SIL1: variants seen among roughly 807,000 people sequenced by gnomAD.
SIL1 encodes the protein nucleotide exchange factor SIL1.
SIL1 carries 40 observed loss-of-function variants against 49.1 expected under a neutral mutation model. The ratio of observed to expected loss-of-function variants is 0.81; its 90% CI spans 0.63 to 1.06. The LOEUF is 1.06. SIL1 is among the 50% of genes least tolerant of loss of function. SIL1 has a pLI of 0.00. For missense variants in SIL1, 500 were observed against 572.6 expected, an observed-to-expected ratio of 0.87 and a Z score of 1.29; for synonymous variants, 253 against 250.8, an observed-to-expected ratio of 1.01 and a Z score of -0.08.
chr5:139,143,058 G>A (rs1028949908), intron 1 of SIL1, among the ~76,000 whole-genome samples: 3 of 151,356 alleles, frequency 2.0e-5, no homozygotes, highest in Admixed American at 1.3e-4. Context: ...GTGAGCCACC[G>A]CGCCCGGCCA....
intron 1 of SIL1, among the ~76,000 whole-genome samples, chr5:139,184,346 C>A (rs1387580457): frequency 6.6e-6 from 1 of 152,172 alleles, no homozygotes; most frequent in Admixed American, 6.5e-5. Flanking sequence ...CATTTAGACT[C>A]TCCGAGCCTC....
chr5:139,147,273 T>C (rs1751212079), intron 1 of SIL1, among the ~76,000 whole-genome samples: 1 of 152,110 alleles, frequency 6.6e-6, no homozygotes, highest in South Asian at 2.1e-4. Flanking sequence ...ACAACTCAGT[T>C]TGTCTGCAGA....
intron 7 of SIL1, among the ~76,000 whole-genome samples, chr5:138,970,847 G>T: frequency 6.6e-6 from 1 of 152,112 alleles, no homozygotes; most frequent in South Asian, 2.1e-4. Flanking sequence ...GGTTGCAGTG[G>T]GCCAAAATTG....
intron 3 of SIL1, among the ~76,000 whole-genome samples, chr5:139,083,389 A>G (rs542097968): frequency 3.3e-5 from 5 of 150,210 alleles, no homozygotes; most frequent in African/African-American, 7.4e-5. Context: ...GTGTGAGATG[A>G]TATCTCATAG....
chr5:139,178,705 C>G (rs1190172131), intron 1 of SIL1, among the ~76,000 whole-genome samples: 5 of 152,038 alleles, frequency 3.3e-5, no homozygotes, highest in Admixed American at 3.3e-4. Context: ...GCCCTAGGAC[C>G]AAGTCAAATC....
rs550508251 is a variant in SIL1, at chr5:139,084,205, C to A, written c.245-33159G>T. Among the ~76,000 whole-genome samples, 12 of 151,774 alleles carry A rather than the reference C, an allele frequency of 7.9e-5. No individual in the cohort carries two copies. In the East Asian group the frequency reaches 2.3e-3, roughly 29 times the overall value. ...TTGGTGGGACTGTAAACTAGTTCAA[C>A]CATTGTGGAAGTCAGTGTGGCGATT... On this transcript the variant is annotated intron_variant, in intron 3 of 9. Transcript: ENST00000394817.
chr5:138,962,429 G>A (rs1767041950), intron 7 of SIL1, among the ~76,000 whole-genome samples: 1 of 152,018 alleles, frequency 6.6e-6, no homozygotes, highest in South Asian at 2.1e-4. Context: ...GTGTGACTGA[G>A]GTAAGTTACT....
At chr5:138,984,268 G>A (rs890906569) in intron 7 of SIL1, among the ~76,000 whole-genome samples, 2 of 151,608 alleles carry the variant, frequency 1.3e-5, no homozygotes, top group African/African-American at 2.4e-5. Flanking sequence ...GAACCTGGAT[G>A]CCAAGGATTA....
chr5:139,101,373 A>G (rs1770583926), intron 3 of SIL1, among the ~76,000 whole-genome samples: 1 of 152,168 alleles, frequency 6.6e-6, no homozygotes, highest in African/African-American at 2.4e-5. Flanking sequence ...TCTGAAATTT[A>G]CCTAATTACT....
chr5:139,019,920 C>A (rs1768481380), intron 7 of SIL1, among the ~76,000 whole-genome samples: 1 of 139,004 alleles, frequency 7.2e-6, no homozygotes, highest in South Asian at 2.4e-4. Context: ...AGTTCTCAAG[C>A]CTCTAAAGCC....
rs528137516 is a variant in SIL1, at chr5:139,079,966, C to T, written c.245-28920G>A. On this transcript the variant is annotated intron_variant, in intron 3 of 9. Coordinates refer to ENST00000394817, the MANE Select transcript of SIL1 (RefSeq NM_022464.5). The stretch of plus-strand genomic sequence containing the variant: ...ATTCCTACTTTCTCTCATGTAGCCA[C>T]AGCTATCATCTCTCAGCAAGTCTCC... Among the ~76,000 whole-genome samples, 10 of 152,300 alleles carry T rather than the reference C, an allele frequency of 6.6e-5. No individual in the cohort carries two copies. In the South Asian group the frequency reaches 2.1e-3, roughly 32 times the overall value.
At chr5:139,100,004 A>G (rs1770552463) in intron 3 of SIL1, among the ~76,000 whole-genome samples, 1 of 152,230 alleles carries the variant, frequency 6.6e-6, no homozygotes, top group Non-Finnish European at 1.5e-5. Context: ...TGTGATTATT[A>G]CCCATTGCAT....
At chr5:139,169,956 C>A (rs1199411489) in intron 1 of SIL1, among the ~76,000 whole-genome samples, 1 of 151,968 alleles carries the variant, frequency 6.6e-6, no homozygotes, top group Non-Finnish European at 1.5e-5. Flanking sequence ...CGGCTCACTG[C>A]AGCCTCCCTG....
chr5:139,168,979 A>T (rs887430737), intron 1 of SIL1, among the ~76,000 whole-genome samples: 40 of 151,912 alleles, frequency 2.6e-4, no homozygotes, highest in African/African-American at 9.7e-4. Flanking sequence ...AAAAAACTGA[A>T]TTTTTAAAGG....
At chr5:139,184,106 A>G (rs988735539) in intron 1 of SIL1, among the ~76,000 whole-genome samples, 1 of 152,220 alleles carries the variant, frequency 6.6e-6, no homozygotes, top group African/African-American at 2.4e-5. Flanking sequence ...CAGAGAGGAC[A>G]GGCCTGTGTA....
intron 5 of SIL1, among the ~76,000 whole-genome samples, chr5:139,029,023 C>T (rs1768726487): frequency 6.6e-6 from 1 of 152,188 alleles, no homozygotes; most frequent in Non-Finnish European, 1.5e-5. Context: ...TGCCTGTAAT[C>T]CTAGAAGTTT....
intron 3 of SIL1, among the ~76,000 whole-genome samples, chr5:139,080,795 T>A (rs1204397658): frequency 1.3e-5 from 2 of 152,210 alleles, no homozygotes; most frequent in Non-Finnish European, 2.9e-5. Flanking sequence ...AATTATGTGA[T>A]TCATCATATT....
rs535338017 is a variant in SIL1 at position 139,083,047 on chromosome 5, A to T, written c.245-32001T>A. On this transcript the variant is annotated intron_variant, in intron 3 of 9. Transcript: ENST00000394817. ...CTGCAGGGGCTCAAGGATTCAAATG[A>T]TACCAACTGCTCCTGATTTAGGAGC... Among the ~76,000 whole-genome samples, 144 of 152,310 alleles carry T rather than the reference A, an allele frequency of 9.5e-4. 2 individuals carry two copies. Among genetic ancestry groups the T allele is most frequent in the Middle Eastern group, 3.4e-3 (1 of 294 alleles).
intron 5 of SIL1, 89 bp downstream of exon 5, chr5:139,042,531 C>T (rs939136668): frequency 1.9e-6 from 2 of 1,075,126 alleles, no homozygotes; most frequent in African/African-American, 3.1e-5. Context: ...ATGTTTATTG[C>T]AAGAGTTCCC....
Sources: allele counts gnomAD v4.1 joint callset (sites outside exome capture counted in the v4.1 genomes callset), GRCh38; gene constraint gnomAD v4.1.1; transcripts MANE v1.5; gene names NCBI Gene and HGNC (gene_info 2026-07-23, HGNC 2026-07-21).